The following ACOXL variants were observed in gnomAD, a reference collection of about 807,000 sequenced individuals.
ACOXL encodes acyl-CoA oxidase like.
A neutral mutation model predicts 71.9 loss-of-function variants in ACOXL; 70 were observed. That is an observed-to-expected ratio of 0.97 (90% CI 0.80 to 1.19). The LOEUF is 1.19. ACOXL is among the 50% of genes most tolerant of loss of function. The pLI is 0.00. For missense variants in ACOXL, 703 were observed against 736.3 expected (o/e 0.95, Z 0.52); for synonymous variants, 253 against 281.6 (o/e 0.90, Z 1.02).
At chr2:111,076,238 C>G (rs1305363675) in intron 16 of ACOXL, among the ~76,000 whole-genome samples, 1 of 152,058 alleles carries the variant, frequency 6.6e-6, no homozygotes, top group Non-Finnish European at 1.5e-5. Context: ...CTTATCCTTT[C>G]CATTCTGTCT....
At chr2:110,767,979 C>A (rs70958746) in intron 1 of ACOXL, among the ~76,000 whole-genome samples, 2 of 132,188 alleles carry the variant, frequency 1.5e-5, no homozygotes, top group Middle Eastern at 8.3e-3. Context: ...CACACACACA[C>A]AAATTAGCTG....
At chr2:110,969,810 C>CA (rs34713605) in intron 12 of ACOXL, among the ~76,000 whole-genome samples, 58,638 of 140,686 alleles carry the variant, frequency 0.42, 12,951 homozygotes, top group Middle Eastern at 0.58. Context: ...GACTTTGTCT[C>CA]AAAAAAAAAG....
chr2:110,804,454 A>G (rs992506722), intron 8 of ACOXL, among the ~76,000 whole-genome samples: 5 of 152,206 alleles, frequency 3.3e-5, no homozygotes, highest in African/African-American at 1.2e-4. Context: ...TGACCCAGCA[A>G]TTCTACTCCT....
At chr2:111,074,048 T>C (rs759362564) in intron 16 of ACOXL, among the ~76,000 whole-genome samples, 5 of 152,196 alleles carry the variant, frequency 3.3e-5, no homozygotes, top group African/African-American at 4.8e-5. Context: ...TGTATGTTGC[T>C]AGTATTTAGA....
chr2:111,013,928 G>A (rs1001979862), intron 14 of ACOXL, among the ~76,000 whole-genome samples: 5 of 152,136 alleles, frequency 3.3e-5, no homozygotes, highest in Non-Finnish European at 4.4e-5. Context: ...ATGCGAGGTT[G>A]GTTTAATAGT....
chr2:110,929,515 G>C (rs1035550501), intron 11 of ACOXL, among the ~76,000 whole-genome samples: 4 of 152,180 alleles, frequency 2.6e-5, no homozygotes, highest in African/African-American at 9.6e-5. Flanking sequence ...TGATAGAAAA[G>C]AAAAACCCAT....
chr2:110,914,845 G>A (rs1250636600), intron 11 of ACOXL, among the ~76,000 whole-genome samples: 1 of 151,938 alleles, frequency 6.6e-6, no homozygotes, highest in African/African-American at 2.4e-5. Flanking sequence ...AATTTTTGTG[G>A]GTATATAGTA....
chr2:111,003,748 G>T (rs1261591139), intron 14 of ACOXL, among the ~76,000 whole-genome samples: 1 of 151,894 alleles, frequency 6.6e-6, no homozygotes, highest in Non-Finnish European at 1.5e-5. Flanking sequence ...AAATATCTTG[G>T]TTACTACCAT....
chr2:111,004,601 T>C (rs114967234), intron 14 of ACOXL, among the ~76,000 whole-genome samples: 124 of 152,308 alleles, frequency 8.1e-4, no homozygotes, highest in Middle Eastern at 3.4e-3. Context: ...TCCAAAATCT[T>C]GTTGCAAACA....
chr2:110,760,590 C>T lies in ACOXL; in HGVS notation c.-22-7778C>T, dbSNP rs555394000. On this transcript the variant is annotated intron_variant, in intron 1 of 17. Transcript: ENST00000439055. The stretch of plus-strand genomic sequence containing the variant: ...TTCAGTTAGCCATGAATTGGACAGA[C>T]AGCCTCTCTGATCTTGGCTGGACTC... Among the ~76,000 whole-genome samples the T allele has an allele frequency of 3.9e-5, 6 of 152,310 alleles. No individual in the cohort carries two copies. In the South Asian group the frequency reaches 1.2e-3, roughly 32 times the overall value.
In ACOXL at chr2:110,841,416, A is replaced by T; in HGVS notation, c.788+11A>T. Reference sequence around the variant, plus strand: ...TCGCTATAGCCACAGGTAAATGTTTACATTTTTGTTTCTTTTAAGAATTAT... The same window carrying T: ...TCGCTATAGCCACAGGTAAATGTTTTCATTTTTGTTTCTTTTAAGAATTAT... On this transcript the variant is annotated intron_variant, in intron 10 of 17. Coordinates refer to ENST00000439055, the MANE Select transcript of ACOXL (RefSeq NM_001142807.4). 4 of 1,606,514 alleles carry T rather than the reference A, an allele frequency of 2.5e-6. No homozygotes were observed. Among genetic ancestry groups the T allele is most frequent in the Non-Finnish European group, 3.4e-6 (4 of 1,175,326 alleles).
At chr2:110,902,764 T>TC (rs2059291057) in intron 10 of ACOXL, among the ~76,000 whole-genome samples, 1 of 152,206 alleles carries the variant, frequency 6.6e-6, no homozygotes, top group Non-Finnish European at 1.5e-5. Context: ...TTTGTATGTC[T>TC]AGGAGTGCCC....
intron 12 of ACOXL, among the ~76,000 whole-genome samples, chr2:110,951,387 G>A (rs2061329410): frequency 6.6e-6 from 1 of 152,202 alleles, no homozygotes; most frequent in African/African-American, 2.4e-5. Context: ...CCTATCACCT[G>A]AGAAAAATGA....
intron 11 of ACOXL, among the ~76,000 whole-genome samples, chr2:110,919,986 T>C (rs780976649): frequency 9.9e-5 from 15 of 152,210 alleles, no homozygotes; most frequent in Non-Finnish European, 2.2e-4. Flanking sequence ...AACATGTAGG[T>C]TGTTTCTAGT....
chr2:111,033,503 T>C (rs1042717753), intron 15 of ACOXL, among the ~76,000 whole-genome samples: 6 of 152,312 alleles, frequency 3.9e-5, no homozygotes, highest in African/African-American at 1.4e-4. Flanking sequence ...ACAGCTCGTG[T>C]CCTCAGGCCT....
At chr2:111,092,304 A>C (rs1329637125) in intron 16 of ACOXL, among the ~76,000 whole-genome samples, 1 of 152,192 alleles carries the variant, frequency 6.6e-6, no homozygotes, top group Non-Finnish European at 1.5e-5. Context: ...CCTACAGGGA[A>C]ACTCATTTAT....
At chr2:110,914,318 A>C (rs1170695065) in intron 11 of ACOXL, among the ~76,000 whole-genome samples, 5 of 152,328 alleles carry the variant, frequency 3.3e-5, no homozygotes, top group Admixed American at 3.3e-4. Flanking sequence ...TCTATAAAGC[A>C]ATTTGGGCAG....
At chr2:110,782,544 G>A (rs1683464892) in intron 2 of ACOXL, among the ~76,000 whole-genome samples, 1 of 152,170 alleles carries the variant, frequency 6.6e-6, no homozygotes, top group African/African-American at 2.4e-5. Context: ...TTTCCCATGA[G>A]ATCTAATAGC....
Position 110,915,350 on chromosome 2 carries a change from A to ATATATGTG in ACOXL, c.905+6446_905+6447insATATGTGT, listed in dbSNP as rs1491355100. Among the ~76,000 whole-genome samples the ATATATGTG allele has an allele frequency of 3.5e-5, 4 of 113,634 alleles. No homozygotes were observed. In the South Asian group the frequency reaches 1.1e-3, roughly 32 times the overall value. 74.5% of individuals were successfully genotyped at this position (113,634 alleles called of 152,430 possible). ...TTATATGCATTTTATATATATATATATGTGTGTGTGTGTGTGTGTGTGTGT... is the reference window on the plus strand; with the variant it reads ...TTATATGCATTTTATATATATATATATATATGTGTGTGTGTGTGTGTGTGTGTGTGTGT... On this transcript the variant is annotated intron_variant, in intron 11 of 17. Transcript: ENST00000439055.
Sources: allele counts gnomAD v4.1 joint callset (sites outside exome capture counted in the v4.1 genomes callset), GRCh38; gene constraint gnomAD v4.1.1; transcripts MANE v1.5; gene names NCBI Gene and HGNC (gene_info 2026-07-23, HGNC 2026-07-21).